DOCK3: variants seen among roughly 807,000 people sequenced by gnomAD.
The protein encoded by DOCK3 is dedicator of cytokinesis protein 3.
DOCK3 carries 60 observed loss-of-function variants against 265.6 expected under a neutral mutation model. That is an observed-to-expected ratio of 0.23 (90% CI 0.18 to 0.28). The LOEUF (loss-of-function observed/expected upper bound fraction) is 0.28, where lower values mean the gene tolerates loss of function less well. Ranked by LOEUF, DOCK3 falls within the 10% of genes least tolerant of loss-of-function variation. DOCK3 has a pLI of 1.00. For missense variants in DOCK3, 1,981 were observed against 2,594.3 expected (o/e 0.76, Z 5.14); for synonymous variants, 881 against 938.0 (o/e 0.94, Z 1.11).
At chr3:50,970,947 A>ATATATT (rs1559878895) in intron 5 of DOCK3, among the ~76,000 whole-genome samples, 1 of 53,304 alleles carries the variant, frequency 1.9e-5, no homozygotes, top group Non-Finnish European at 3.3e-5. Flanking sequence ...ATATATATAT[A>ATATATT]ATGTGTGTGT....
chr3:50,783,035 G>GTGTGTC (rs2042004430), intron 2 of DOCK3, among the ~76,000 whole-genome samples: 1 of 149,798 alleles, frequency 6.7e-6, no homozygotes, highest in Non-Finnish European at 1.5e-5. Flanking sequence ...GTGTGTGTGT[G>GTGTGTC]TGTGTCTGTA....
intron 9 of DOCK3, among the ~76,000 whole-genome samples, chr3:51,091,362 G>T (rs530960108): frequency 6.6e-6 from 1 of 152,212 alleles, no homozygotes; most frequent in South Asian, 2.1e-4. Flanking sequence ...TTATGAAAAA[G>T]TCCAATATAT....
intron 5 of DOCK3, among the ~76,000 whole-genome samples, chr3:50,940,017 A>G (rs1047044474): frequency 2.0e-5 from 3 of 150,972 alleles, no homozygotes; most frequent in Non-Finnish European, 4.4e-5. Flanking sequence ...GAATTAATAA[A>G]CAAGTTTGTG....
intron 26 of DOCK3, among the ~76,000 whole-genome samples, 187 bp from the exon 27 acceptor site, chr3:51,279,918 AT>A (rs1459901818): frequency 6.6e-6 from 1 of 152,152 alleles, no homozygotes; most frequent in Non-Finnish European, 1.5e-5. Context: ...CAGAGGGTTT[AT>A]TTCCCCCTAA....
At chr3:51,143,485 G>C (rs929779551) in intron 9 of DOCK3, among the ~76,000 whole-genome samples, 4 of 152,000 alleles carry the variant, frequency 2.6e-5, no homozygotes, top group Middle Eastern at 3.4e-3. Context: ...GGCCAGACTG[G>C]TCTCAAACTC....
chr3:50,902,892 C>A (rs1355137168), intron 4 of DOCK3, among the ~76,000 whole-genome samples: 3 of 152,156 alleles, frequency 2.0e-5, no homozygotes, highest in Non-Finnish European at 2.9e-5. Context: ...CTACACCTGT[C>A]TGGTTAGTGA....
intron 9 of DOCK3, among the ~76,000 whole-genome samples, chr3:51,140,971 A>G (rs948728942): frequency 2.0e-5 from 3 of 152,096 alleles, no homozygotes; most frequent in East Asian, 1.9e-4. Flanking sequence ...AGAACTTTAT[A>G]TATTATAGGT....
intron 49 of DOCK3, among the ~76,000 whole-genome samples, chr3:51,365,577 G>T (rs777485529): frequency 3.3e-5 from 5 of 152,204 alleles, no homozygotes; most frequent in Admixed American, 6.5e-5. Flanking sequence ...TGTTCAAAGG[G>T]AATGCTTCCA....
chr3:50,703,448 G>C (rs2036182627), intron 1 of DOCK3, among the ~76,000 whole-genome samples: 2 of 152,054 alleles, frequency 1.3e-5, no homozygotes, highest in African/African-American at 4.8e-5. Context: ...GAATTTAGCA[G>C]TAAAGCCATT....
intron 1 of DOCK3, among the ~76,000 whole-genome samples, chr3:50,726,239 A>T (rs967951198): frequency 6.6e-6 from 1 of 152,176 alleles, no homozygotes; most frequent in South Asian, 2.1e-4. Flanking sequence ...GAATCCATGG[A>T]TACAGAACTC....
Position 51,053,096 on chromosome 3 carries a change from T to G in DOCK3, c.316-11352T>G, listed in dbSNP as rs1419228215. Among the ~76,000 whole-genome samples, 29 of 84,944 alleles carry G rather than the reference T, an allele frequency of 3.4e-4. 1 individual carries two copies. Among genetic ancestry groups the G allele is most frequent in the African/African-American group, 1.1e-3 (24 of 22,706 alleles). The allele number at this position is 84,944 out of a possible 152,430, so 55.7% of individuals were successfully genotyped here. ...AGTCAAAGATATATATATATATATA[T>G]ATATATATATATATATATATATATA... On this transcript the variant is annotated intron_variant, in intron 5 of 52. Coordinates refer to ENST00000266037, the MANE Select transcript of DOCK3 (RefSeq NM_004947.5).
chr3:51,321,088 A>T (rs965807979), intron 32 of DOCK3, among the ~76,000 whole-genome samples: 1 of 152,310 alleles, frequency 6.6e-6, no homozygotes, highest in Admixed American at 6.5e-5. Flanking sequence ...TCTGGCTGGC[A>T]TCTGGTGGGT....
At chr3:51,001,069 C>T (rs2078467974) in intron 5 of DOCK3, among the ~76,000 whole-genome samples, 2 of 152,182 alleles carry the variant, frequency 1.3e-5, no homozygotes, top group East Asian at 1.9e-4. Context: ...TGGATTGCTC[C>T]GAATTTTGAT....
chr3:50,924,062 C>T (rs903910346), intron 4 of DOCK3, among the ~76,000 whole-genome samples: 2 of 152,134 alleles, frequency 1.3e-5, no homozygotes, highest in African/African-American at 4.8e-5. Context: ...GAAATGGCCT[C>T]ATGGGAATCT....
chr3:51,204,199 A>G (rs1466197332), intron 12 of DOCK3, among the ~76,000 whole-genome samples: 1 of 147,902 alleles, frequency 6.8e-6, no homozygotes, highest in African/African-American at 2.5e-5. Flanking sequence ...TCTGCACAGC[A>G]AAAGAAACTA....
intron 5 of DOCK3, among the ~76,000 whole-genome samples, chr3:51,046,729 C>T (rs1361343015): frequency 6.6e-6 from 1 of 151,948 alleles, no homozygotes; most frequent in African/African-American, 2.4e-5. Flanking sequence ...CCAAATGACC[C>T]AATAGACATA....
chr3:50,893,926 G>C (rs1046014146), intron 4 of DOCK3, among the ~76,000 whole-genome samples: 2 of 138,044 alleles, frequency 1.4e-5, no homozygotes, highest in African/African-American at 5.5e-5. Context: ...TGAATAATGA[G>C]AACATTGGGA....
intron 11 of DOCK3, 112 bp downstream of exon 11, chr3:51,159,416 C>A: frequency 2.0e-6 from 2 of 984,998 alleles, no homozygotes; most frequent in Non-Finnish European, 1.6e-6. Flanking sequence ...TTTCAGGTCT[C>A]AGGATTAGAG....
chr3:51,370,498 C>T (rs1482753483), intron 49 of DOCK3, among the ~76,000 whole-genome samples: 1 of 152,206 alleles, frequency 6.6e-6, no homozygotes, highest in African/African-American at 2.4e-5. Flanking sequence ...AATAAGCAGG[C>T]CCTGCTCTTG....
Sources: gnomAD v4.1 joint callset for allele counts (sites outside exome capture counted in the v4.1 genomes callset) on GRCh38, gnomAD v4.1.1 for gene constraint, MANE v1.5 for transcripts, NCBI Gene and HGNC (gene_info 2026-07-23, HGNC 2026-07-21) for gene names.